The following LDLRAD3 variants were observed in gnomAD, a reference collection of about 807,000 sequenced individuals.
LDLRAD3 encodes the protein low density lipoprotein receptor class A domain containing 3.
A neutral mutation model predicts 29.4 loss-of-function variants in LDLRAD3; 20 were observed. The ratio of observed to expected loss-of-function variants is 0.68; its 90% confidence interval spans 0.48 to 0.99. LDLRAD3 has a LOEUF of 0.99. Ranked by LOEUF, LDLRAD3 falls within the 50% of genes least tolerant of loss-of-function variation. The pLI is 0.00. For missense variants in LDLRAD3, 420 were observed against 454.3 expected (o/e 0.92, Z 0.69); for synonymous variants, 157 against 192.7 (o/e 0.81, Z 1.53).
intron 4 of LDLRAD3, among the ~76,000 whole-genome samples, chr11:36,133,817 A>G (rs1317023272): frequency 1.3e-5 from 2 of 152,054 alleles, no homozygotes; most frequent in Non-Finnish European, 2.9e-5. Flanking sequence ...TATTACAGGC[A>G]TGAGCCACCG....
chr11:35,947,849 A>G (rs1289741624), intron 1 of LDLRAD3, among the ~76,000 whole-genome samples: 1 of 152,146 alleles, frequency 6.6e-6, no homozygotes, highest in East Asian at 1.9e-4. Flanking sequence ...GCGAATTGAC[A>G]CAGTGAGATT....
chr11:36,088,213 T>C (rs1185452954), intron 3 of LDLRAD3, among the ~76,000 whole-genome samples: 1 of 152,024 alleles, frequency 6.6e-6, no homozygotes, highest in Non-Finnish European at 1.5e-5. Context: ...CCCTTTGACT[T>C]TTTTTCCTTT....
At chr11:36,167,503 ACAGACT>A (rs1854532404) in intron 4 of LDLRAD3, among the ~76,000 whole-genome samples, 3 of 151,814 alleles carry the variant, frequency 2.0e-5, no homozygotes, top group Middle Eastern at 3.2e-3. Flanking sequence ...ACACAGAGAC[ACAGACT>A]CACAGGACCA....
intron 2 of LDLRAD3, among the ~76,000 whole-genome samples, chr11:36,072,611 G>A (rs1169889491): frequency 6.6e-6 from 1 of 152,192 alleles, no homozygotes. Flanking sequence ...AAAGTGTAGT[G>A]TAGTTAAAAG....
intron 4 of LDLRAD3, among the ~76,000 whole-genome samples, chr11:36,169,653 A>G (rs1366384167): frequency 1.3e-5 from 2 of 152,222 alleles, no homozygotes; most frequent in African/African-American, 2.4e-5. Flanking sequence ...CTGTGGCTAA[A>G]TAGTATTCCA....
intron 1 of LDLRAD3, among the ~76,000 whole-genome samples, chr11:35,992,325 A>C (rs558247160): frequency 9.2e-5 from 14 of 152,326 alleles, no homozygotes; most frequent in Admixed American, 3.3e-4. Context: ...CTTGTAGCCT[A>C]TTGCCATCAA....
At chr11:36,118,703 A>G (rs1853710157) in intron 4 of LDLRAD3, among the ~76,000 whole-genome samples, 2 of 152,150 alleles carry the variant, frequency 1.3e-5, no homozygotes. Flanking sequence ...TTAATATACC[A>G]TATTAATTCC....
intron 4 of LDLRAD3, among the ~76,000 whole-genome samples, chr11:36,190,373 G>A (rs1208255361): frequency 6.6e-6 from 1 of 152,136 alleles, no homozygotes; most frequent in Non-Finnish European, 1.5e-5. Context: ...GGCGGCACAT[G>A]CCTGTAGTCC....
At chr11:36,134,448 G>C (rs2133309205) in intron 4 of LDLRAD3, among the ~76,000 whole-genome samples, 1 of 152,254 alleles carries the variant, frequency 6.6e-6, no homozygotes, top group African/African-American at 2.4e-5. Flanking sequence ...TCACTCCATA[G>C]GGTCTGCAGC....
At chr11:36,014,868 A>G (rs1465452789) in intron 1 of LDLRAD3, among the ~76,000 whole-genome samples, 2 of 152,170 alleles carry the variant, frequency 1.3e-5, no homozygotes, top group Non-Finnish European at 2.9e-5. Context: ...ATTTTTTGCC[A>G]AAGACAAATA....
Position 36,090,155 on chromosome 11 carries a change from G to T in LDLRAD3, c.320-8172G>T, listed in dbSNP as rs544931887. Among the ~76,000 whole-genome samples, 9 of 152,306 alleles carry T rather than the reference G, an allele frequency of 5.9e-5. No homozygotes were observed. In the East Asian group the frequency reaches 1.7e-3, roughly 29 times the overall value. ...CACACTTTCACTTCTAACCACTACA[G>T]CAAAATGTATGCTTGGAATTGTCAG... On this transcript the variant is annotated intron_variant, in intron 3 of 5. Transcript: ENST00000315571.
At chr11:36,154,992 G>A (rs1328574578) in intron 4 of LDLRAD3, among the ~76,000 whole-genome samples, 1 of 152,084 alleles carries the variant, frequency 6.6e-6, no homozygotes, top group African/African-American at 2.4e-5. Context: ...CCATTTCCCT[G>A]TTTTCCACCC....
At chr11:36,210,061 A>C (rs1855263124) in intron 4 of LDLRAD3, among the ~76,000 whole-genome samples, 1 of 152,222 alleles carries the variant, frequency 6.6e-6, no homozygotes, top group Non-Finnish European at 1.5e-5. Context: ...TTGCCTATTC[A>C]AAAAATATAT....
chr11:36,130,004 A>C (rs1474933464), intron 4 of LDLRAD3, among the ~76,000 whole-genome samples: 1 of 152,204 alleles, frequency 6.6e-6, no homozygotes, highest in Non-Finnish European at 1.5e-5. Flanking sequence ...CAGTATCCTC[A>C]GCCCCCATAG....
In LDLRAD3 at chr11:36,199,484, TCTC is replaced by T. The variant is rs1318578488; in HGVS notation, c.455-27597_455-27595del. Among the ~76,000 whole-genome samples, 6 of 152,284 alleles carry T rather than the reference TCTC, an allele frequency of 3.9e-5. No homozygotes were observed. The East Asian group carries it at 1.2e-3, about 29-fold the overall frequency. Reference sequence around the variant, plus strand: ...TACTCAATACAAGTTGATTCATTCATCTCCTCTGTGGTACGATCGAAGACATCT... The same window carrying T: ...TACTCAATACAAGTTGATTCATTCATCTCTGTGGTACGATCGAAGACATCT... On this transcript the variant is annotated intron_variant, in intron 4 of 5. Coordinates refer to ENST00000315571, the MANE Select transcript of LDLRAD3 (RefSeq NM_174902.4).
intron 4 of LDLRAD3, among the ~76,000 whole-genome samples, chr11:36,202,691 A>G (rs7943733): frequency 0.89 from 135,157 of 152,164 alleles, 60,224 homozygotes; most frequent in East Asian, 0.97. Flanking sequence ...GGAAATTATT[A>G]TAAGTCCCCA....
intron 1 of LDLRAD3, among the ~76,000 whole-genome samples, chr11:36,014,048 G>A (rs954759977): frequency 5.3e-5 from 8 of 152,158 alleles, no homozygotes; most frequent in African/African-American, 1.9e-4. Flanking sequence ...TTTTGGTTGT[G>A]TGTCCTGTTG....
chr11:35,954,213 T>C (rs2133128061), intron 1 of LDLRAD3, among the ~76,000 whole-genome samples: 1 of 152,254 alleles, frequency 6.6e-6, no homozygotes, highest in East Asian at 1.9e-4. Flanking sequence ...TTTTGAATAA[T>C]AAGCATACCA....
At chr11:36,037,548 C>T (rs1252760518) in intron 2 of LDLRAD3, among the ~76,000 whole-genome samples, 1 of 152,200 alleles carries the variant, frequency 6.6e-6, no homozygotes, top group Non-Finnish European at 1.5e-5. Context: ...CTACTGACCT[C>T]ATGATCCGCC....
Sources: gnomAD v4.1 joint callset for allele counts (sites outside exome capture counted in the v4.1 genomes callset) on GRCh38, gnomAD v4.1.1 for gene constraint, MANE v1.5 for transcripts, NCBI Gene and HGNC (gene_info 2026-07-23, HGNC 2026-07-21) for gene names.